The following NCS1 variants were observed in gnomAD, a reference collection of about 807,000 sequenced individuals.
NCS1 encodes neuronal calcium sensor 1.
A neutral mutation model predicts 28.4 loss-of-function variants in NCS1; 6 were observed. The observed-to-expected ratio is 0.21, with a 90% CI of 0.12 to 0.42. The LOEUF (loss-of-function observed/expected upper bound fraction) is 0.42. NCS1 is among the 10% of genes least tolerant of loss of function. NCS1 has a pLI of 1.00. For missense variants in NCS1, 131 were observed against 241.4 expected, an observed-to-expected ratio of 0.54 and a Z score of 3.03; for synonymous variants, 86 against 99.3, an observed-to-expected ratio of 0.87 and a Z score of 0.79.
intron 3 of NCS1, among the ~76,000 whole-genome samples, chr9:130,218,843 G>A (rs1412288826): frequency 6.6e-6 from 1 of 152,038 alleles, no homozygotes; most frequent in Admixed American, 6.6e-5. Context: ...CACCCACCTT[G>A]GTCTCCCAAA....
chr9:130,233,494 A>G lies in NCS1; in HGVS notation c.*522A>G, dbSNP rs1554912387. On this transcript the variant is annotated 3_prime_UTR_variant, in exon 8 of 8. Transcript: ENST00000372398. This position sits in a 1 kb window ranked among gnomAD's most constrained non-coding sequence, Gnocchi z 4.8. ...GGTGTCTAGGGGTTCTGCCTGGTCA[A>G]CGTTATTTGTCGTCCCATCTTTTGG... 2 of 152,568 alleles carry G rather than the reference A, an allele frequency of 1.3e-5. No homozygotes were observed. Among genetic ancestry groups the G allele is most frequent in the East Asian group, 1.9e-4 (1 of 5,182 alleles). The allele number at this position is 152,568 out of a possible 1,614,324, so 9.5% of individuals were successfully genotyped here.
intron 1 of NCS1, among the ~76,000 whole-genome samples, chr9:130,182,300 G>A (rs957268682): frequency 3.9e-5 from 6 of 152,106 alleles, no homozygotes; most frequent in Non-Finnish European, 8.8e-5. Flanking sequence ...CTTCCCACCC[G>A]GCGCCTGCCT....
In NCS1 at chr9:130,227,030, A is replaced by AG. The variant is rs1211335453; in HGVS notation, c.*17+526_*17+527insG. Among the ~76,000 whole-genome samples the AG allele has an allele frequency of 1.5e-3, 222 of 151,088 alleles. 2 individuals carry two copies. Among genetic ancestry groups the AG allele is most frequent in the African/African-American group, 5.3e-3 (218 of 41,264 alleles). On this transcript the variant is annotated intron_variant, in intron 7 of 7. Coordinates refer to ENST00000372398, the MANE Select transcript of NCS1 (RefSeq NM_014286.4). The stretch of plus-strand genomic sequence containing the variant: ...AGAGTGAGACTCCATCTCAAAAAAA[A>AG]AAAAAAAAAGAAAAGAAAAAAAAAA...
intron 1 of NCS1, chr9:130,200,744 G>C: frequency 6.3e-6 from 9 of 1,417,856 alleles, no homozygotes; most frequent in Non-Finnish European, 7.8e-6. Flanking sequence ...CCGGGAAGGG[G>C]TGGGGCCAGT....
At chr9:130,206,885 C>G (rs1554908154) in intron 2 of NCS1, among the ~76,000 whole-genome samples, 1 of 152,090 alleles carries the variant, frequency 6.6e-6, no homozygotes, top group African/African-American at 2.4e-5. Flanking sequence ...ATTCAGGGAG[C>G]AGCGGGCCAC....
At position 130,180,528 on chromosome 9, in the gene NCS1, T is replaced by C. The variant is rs938125755; in HGVS notation, c.64+7801T>C. On this transcript the variant is annotated intron_variant, in intron 1 of 7. Coordinates refer to ENST00000372398, the MANE Select transcript of NCS1 (RefSeq NM_014286.4). The surrounding 1 kb of genome is among the most constrained non-coding windows in gnomAD (Gnocchi z 4.5). ...AGGGCAGAGAGTGTCAGAGATTACG[T>C]TGCGGCGTTTCTAGGTAACTTGAGA... 2.0e-5 allele frequency among the ~76,000 whole-genome samples: 3 copies of C among 152,190 alleles called. No individual in the cohort carries two copies. Among genetic ancestry groups the C allele is most frequent in the South Asian group, 2.1e-4 (1 of 4,830 alleles).
At position 130,192,042 on chromosome 9, in the gene NCS1, G is replaced by A. The variant is rs1285931809; in HGVS notation, c.65-8916G>A. ...CGGCTTTGCTCAGCCAGGAGTGCCC[G>A]GGAGCTCTGGGCAGCAGGCCAGGCC... On this transcript the variant is annotated intron_variant, in intron 1 of 7. Transcript: ENST00000372398. The surrounding 1 kb of genome is among the most constrained non-coding windows in gnomAD (Gnocchi z 4.8). 6.6e-6 allele frequency among the ~76,000 whole-genome samples: 1 copy of A among 152,158 alleles called. No homozygotes were observed.
chr9:130,183,309 G>GA (rs63358362), intron 1 of NCS1, among the ~76,000 whole-genome samples: 2 of 113,966 alleles, frequency 1.8e-5, no homozygotes, highest in Non-Finnish European at 4.2e-5. Flanking sequence ...ATGCGGCTGG[G>GA]GGGGGGAGCT....
intron 2 of NCS1, among the ~76,000 whole-genome samples, chr9:130,202,581 T>G (rs1588116245): frequency 2.5e-3 from 3 of 1,224 alleles, no homozygotes; most frequent in African/African-American, 4.0e-3. Context: ...AAATCCATGT[T>G]TTTTTTTTTT....
Position 130,191,058 on chromosome 9 carries a change from A to G in NCS1, c.65-9900A>G, listed in dbSNP as rs1254246749. ...TCAGACACCACGACTCCTCATCGGC[A>G]CAGCATCTCCAGGGCGCCCACCATG... is the stretch of plus-strand genomic sequence containing the variant. On this transcript the variant is annotated intron_variant, in intron 1 of 7. Transcript: ENST00000372398. The surrounding 1 kb of genome is among the most constrained non-coding windows in gnomAD (Gnocchi z 6.4). Among the ~76,000 whole-genome samples, 1 of 152,126 alleles carries G rather than the reference A, an allele frequency of 6.6e-6. No individual in the cohort carries two copies. The highest frequency in any genetic ancestry group is 1.5e-5 in the Non-Finnish European group (1 of 68,006).
At chr9:130,222,044 TA>T (rs1833331169) in intron 4 of NCS1, among the ~76,000 whole-genome samples, 1 of 14,548 alleles carries the variant, frequency 6.9e-5, no homozygotes. Flanking sequence ...TATGTATCTA[TA>T]AATATATATA....
rs369634843 is a variant in NCS1 at position 130,211,225 on chromosome 9, T to TA, written c.90-6605dup. On this transcript the variant is annotated intron_variant, in intron 2 of 7. Coordinates refer to ENST00000372398, the MANE Select transcript of NCS1 (RefSeq NM_014286.4). ...AAATAATCACGGATATTCACAATCA[T>TA]AATGATAATCATAGGGACCCCTCTG... 2.0e-3 allele frequency among the ~76,000 whole-genome samples: 298 copies of TA among 151,816 alleles called. 1 individual carries two copies. The highest frequency in any genetic ancestry group is 7.0e-3 in the African/African-American group (290 of 41,418).
At chr9:130,173,153 G>C (rs1832512170) in intron 1 of NCS1, among the ~76,000 whole-genome samples, 1 of 151,916 alleles carries the variant, frequency 6.6e-6, no homozygotes, top group South Asian at 2.1e-4. Context: ...CGCCGCCGCC[G>C]CTGCTGCGAG....
chr9:130,222,096 G>GTATATATATATACGTATATATATATA (rs1833334310), intron 4 of NCS1, among the ~76,000 whole-genome samples: 2 of 64,700 alleles, frequency 3.1e-5, no homozygotes, highest in African/African-American at 1.1e-4. Flanking sequence ...ATATATGTGT[G>GTATATATATATACGTATATATATATA]TGTGTATATA....
chr9:130,221,435 G>GAGAGAGAGAGAGAGAGAGAA (rs1833299312), intron 4 of NCS1, among the ~76,000 whole-genome samples: 1 of 140,916 alleles, frequency 7.1e-6, no homozygotes, highest in African/African-American at 2.6e-5. Context: ...GAGAGAGAGA[G>GAGAGAGAGAGAGAGAGAGAA]AGAGAGAGAG....
Position 130,214,670 on chromosome 9 carries a change from C to T in NCS1, c.90-3162C>T, listed in dbSNP as rs34664465. Among the ~76,000 whole-genome samples the T allele has an allele frequency of 2.6e-3, 390 of 152,100 alleles. 6 individuals are homozygous for T. Among genetic ancestry groups the T allele is most frequent in the African/African-American group, 8.8e-3 (366 of 41,476 alleles). On this transcript the variant is annotated intron_variant, in intron 2 of 7. Coordinates refer to ENST00000372398, the MANE Select transcript of NCS1 (RefSeq NM_014286.4). ...GCAGGGGAGGGGCCAGGGGACAGGT[C>T]GAGGCCAAGTGAGAAGAGGGCTCAG... is the stretch of plus-strand genomic sequence containing the variant.
At chr9:130,204,631 C>A (rs561647860) in intron 2 of NCS1, among the ~76,000 whole-genome samples, 25 of 152,286 alleles carry the variant, frequency 1.6e-4, no homozygotes, top group African/African-American at 5.8e-4. Context: ...GCTGAGTGAC[C>A]TTGGACAAAT....
intron 1 of NCS1, among the ~76,000 whole-genome samples, chr9:130,173,051 A>T (rs892283992): frequency 6.6e-6 from 1 of 151,968 alleles, no homozygotes; most frequent in Admixed American, 6.5e-5. Flanking sequence ...GGCTGTTGCC[A>T]GGGTGGGGCG....
At position 130,186,522 on chromosome 9, in the gene NCS1, G is replaced by A. The variant is rs1554905644; in HGVS notation, c.64+13795G>A. ...AGTTTGCGGGGAGGGTTTGTGTGGGGGACGATGAGAGTGCTTCAGGCAGCA... is the reference window on the plus strand; with the variant it reads ...AGTTTGCGGGGAGGGTTTGTGTGGGAGACGATGAGAGTGCTTCAGGCAGCA... On this transcript the variant is annotated intron_variant, in intron 1 of 7. Transcript: ENST00000372398. The surrounding 1 kb of genome is among the most constrained non-coding windows in gnomAD (Gnocchi z 4.1). 6.6e-6 allele frequency among the ~76,000 whole-genome samples: 1 copy of A among 152,108 alleles called. No homozygotes were observed. Among genetic ancestry groups the A allele is most frequent in the Non-Finnish European group, 1.5e-5 (1 of 68,028 alleles).
Sources: gnomAD v4.1 joint callset for allele counts (sites outside exome capture counted in the v4.1 genomes callset) on GRCh38, gnomAD v4.1.1 for gene constraint, Gnocchi (gnomAD v3.1) non-coding constraint, MANE v1.5 for transcripts, NCBI Gene and HGNC (gene_info 2026-07-23, HGNC 2026-07-21) for gene names.